The following PDXDC1 variants were observed in gnomAD, a reference collection of about 807,000 sequenced individuals.
PDXDC1 encodes the protein pyridoxal-dependent decarboxylase domain-containing protein 1.
PDXDC1 carries 42 observed loss-of-function variants against 100.1 expected under a neutral mutation model. The observed-to-expected ratio is 0.42, with a 90% CI of 0.33 to 0.54. The LOEUF is 0.54. Among genes scored for constraint, PDXDC1 ranks in the 20% least tolerant of loss-of-function variants. The pLI is 0.10. For missense variants in PDXDC1, 636 were observed against 979.2 expected (o/e 0.65, Z 4.68); for synonymous variants, 260 against 371.7 (o/e 0.70, Z 3.46).
intron 16 of PDXDC1, chr16:15,065,235 G>A: frequency 6.2e-7 from 1 of 1,613,554 alleles, no homozygotes; most frequent in Non-Finnish European, 8.5e-7. Context: ...AGCACACAGG[G>A]ATCAAAGGGG....
intron 16 of PDXDC1, among the ~76,000 whole-genome samples, chr16:15,098,362 G>A (rs1212651381): frequency 6.6e-6 from 1 of 151,178 alleles, no homozygotes; most frequent in Non-Finnish European, 1.5e-5. Context: ...CACCACACCT[G>A]GCTAATTTTT....
chr16:15,064,466 C>G (rs1383657650), intron 16 of PDXDC1, among the ~76,000 whole-genome samples: 1 of 152,150 alleles, frequency 6.6e-6, no homozygotes, highest in Non-Finnish European at 1.5e-5. Flanking sequence ...TGAGCCATTA[C>G]GCCCAGCCAA....
rs750889449 is a variant in PDXDC1, at chr16:15,127,452, T to A, written c.1400-11427T>A. ...AGGCTCCATTCCCAGTACTCCCCGG[T>A]CCCCAGCCCCAGCCCACCTTGCTCC... On this transcript the variant is annotated intron_variant, in intron 16 of 16. Coordinates refer to the PDXDC1 transcript ENST00000535621. 9 of 1,545,730 alleles carry A rather than the reference T, an allele frequency of 5.8e-6. No homozygotes were observed. In the East Asian group the frequency reaches 1.9e-4, roughly 33 times the overall value.
chr16:15,135,266 C>T (rs1027092298), intron 16 of PDXDC1: 49 of 1,115,842 alleles, frequency 4.4e-5, no homozygotes, highest in Admixed American at 1.4e-4. Flanking sequence ...GGCCGAGGGG[C>T]GGGCGGCACC....
At chr16:15,070,357 T>G in intron 16 of PDXDC1, 5 of 791,608 alleles carry the variant, frequency 6.3e-6, no homozygotes, top group Non-Finnish European at 1.0e-5. Flanking sequence ...CTAAGTAAGT[T>G]CATAGGTTTC....
intron 12 of PDXDC1, among the ~76,000 whole-genome samples, chr16:15,021,011 C>CACACAG (rs1555562306): frequency 6.9e-6 from 1 of 145,760 alleles, no homozygotes; most frequent in Non-Finnish European, 1.5e-5. Flanking sequence ...CACACACACA[C>CACACAG]GAAAAGTATT....
chr16:14,997,237 T>A (rs2151319421), intron 1 of PDXDC1, among the ~76,000 whole-genome samples: 1 of 152,328 alleles, frequency 6.6e-6, no homozygotes, highest in Non-Finnish European at 1.5e-5. Context: ...GCACTAAAAT[T>A]CAAAAGGAAC....
chr16:15,147,306 T>C, the PDXDC1 span, among the ~76,000 whole-genome samples: 9 of 152,152 alleles, frequency 5.9e-5, no homozygotes, highest in African/African-American at 1.7e-4. Flanking sequence ...AGGGCACTAG[T>C]GTGGGCCCCA....
rs1213371179 is a variant in PDXDC1 at position 14,975,068 on chromosome 16, G to A, written c.-132G>A. 6.6e-7 allele frequency: 1 copy of A among 1,506,348 alleles called. No homozygotes were observed. Among genetic ancestry groups the A allele is most frequent in the Non-Finnish European group, 8.8e-7 (1 of 1,136,384 alleles). 93.3% of individuals were successfully genotyped at this position (1,506,348 alleles called of 1,614,324 possible). ...CGGCAGCCCGCGGCGCCGCCTGGCA[G>A]CTCCTCCTCTTCTCCGCCCCGCCGG... On this transcript the variant is annotated 5_prime_UTR_variant, in exon 1 of 23. Coordinates refer to ENST00000396410, the MANE Select transcript of PDXDC1 (RefSeq NM_015027.4).
At chr16:15,135,631 G>A (rs1391463483) in intron 16 of PDXDC1, 2 of 1,567,070 alleles carry the variant, frequency 1.3e-6, no homozygotes, top group East Asian at 2.2e-5. Context: ...ATGGAGGACG[G>A]CCCTGCCACG....
chr16:15,133,796 C>A lies in PDXDC1; in HGVS notation c.1400-5083C>A, dbSNP rs1364196066. On this transcript the variant is annotated intron_variant, in intron 16 of 16. Coordinates refer to the PDXDC1 transcript ENST00000535621. The stretch of plus-strand genomic sequence containing the variant: ...CCCCCTAAGCAGGCCTGTACTCACC[C>A]GTGCATTCGAAGTGCACCTTGGTGG... 4.4e-5 allele frequency: 69 copies of A among 1,585,000 alleles called. 1 individual carries two copies. In the South Asian group the frequency reaches 7.8e-4, roughly 18 times the overall value.
At chr16:15,051,610 C>T (rs2044292353) in intron 16 of PDXDC1, among the ~76,000 whole-genome samples, 1 of 152,050 alleles carries the variant, frequency 6.6e-6, no homozygotes. Context: ...GCCTCCTTTG[C>T]AGTAGCTGGA....
the PDXDC1 span, among the ~76,000 whole-genome samples, chr16:15,150,276 GC>G: frequency 6.6e-6 from 1 of 152,072 alleles, no homozygotes; most frequent in South Asian, 2.1e-4. Flanking sequence ...AGGCGGCGGA[GC>G]TTGCAGTGAG....
chr16:15,131,609 T>G, intron 16 of PDXDC1: 2 of 1,602,048 alleles, frequency 1.2e-6, no homozygotes, highest in South Asian at 1.1e-5. Context: ...GAGGTCAGGT[T>G]GTAGGCCTGG....
At position 15,032,980 on chromosome 16, in the gene PDXDC1, G is replaced by A. The variant is rs764608824; in HGVS notation, c.1690+1G>A. Reference sequence around the variant, plus strand: ...GAATCTGACCTAACCTTTAAAATAGGTAACTGCTTACTTTGTAAGTCAGCT... The same window carrying A: ...GAATCTGACCTAACCTTTAAAATAGATAACTGCTTACTTTGTAAGTCAGCT... On this transcript the variant is annotated splice_donor_variant, in intron 18 of 22. Transcript: ENST00000396410. LOFTEE classifies it high-confidence loss of function. 6.6e-7 allele frequency: 1 copy of A among 1,505,046 alleles called. No homozygotes were observed. Among genetic ancestry groups the A allele is most frequent in the East Asian group, 2.3e-5 (1 of 44,362 alleles). The allele number at this position is 1,505,046 out of a possible 1,614,324, so 93.2% of individuals were successfully genotyped here. A position where few individuals can be genotyped will look rare whatever the true frequency, so the allele number is the denominator to read the frequency against.
chr16:14,988,926 C>A (rs1970043052), intron 1 of PDXDC1: 12 of 1,613,156 alleles, frequency 7.4e-6, no homozygotes, highest in African/African-American at 1.3e-5. Context: ...CAGCCCCGGC[C>A]ACAGGTTCTC....
In PDXDC1 at chr16:15,070,555, G is replaced by A. The variant is rs2045179745; in HGVS notation, c.1399+40499G>A. ...ACCATCTCAAAGGCACCCCTCTTAA[G>A]GTGATTGGCCAAACAGGACACGTTC... is the stretch of plus-strand genomic sequence containing the variant. On this transcript the variant is annotated intron_variant, in intron 16 of 16. Coordinates refer to the PDXDC1 transcript ENST00000535621. 2.0e-5 allele frequency among the ~76,000 whole-genome samples: 3 copies of A among 152,216 alleles called. No homozygotes were observed. The South Asian group carries it at 6.2e-4, about 32-fold the overall frequency.
At chr16:15,129,604 G>T (rs1047483922) in intron 16 of PDXDC1, among the ~76,000 whole-genome samples, 7 of 152,236 alleles carry the variant, frequency 4.6e-5, no homozygotes, top group African/African-American at 1.7e-4. Flanking sequence ...TCCCACAGTG[G>T]TAGCGATGCT....
At chr16:15,074,532 C>G in intron 16 of PDXDC1, 1 of 463,260 alleles carries the variant, frequency 2.2e-6, no homozygotes, top group Non-Finnish European at 3.8e-6. Flanking sequence ...TATAACTCAG[C>G]CAGAATCCCA....
Sources: gnomAD v4.1 joint callset for allele counts (sites outside exome capture counted in the v4.1 genomes callset) on GRCh38, gnomAD v4.1.1 for gene constraint, MANE v1.5 for transcripts, NCBI Gene and HGNC (gene_info 2026-07-23, HGNC 2026-07-21) for gene names.